GABRG3: variants seen among roughly 807,000 people sequenced by gnomAD.
GABRG3 encodes the protein gamma-aminobutyric acid receptor subunit gamma-3.
In GABRG3, 25 loss-of-function variants were observed where a neutral mutation model predicts 48.8. The ratio of observed to expected loss-of-function variants is 0.51; its 90% CI spans 0.37 to 0.72. The LOEUF (loss-of-function observed/expected upper bound fraction) is 0.72, where lower values mean the gene tolerates loss of function less well. Ranked by LOEUF, GABRG3 falls within the 30% of genes least tolerant of loss-of-function variation. The pLI, the probability that GABRG3 is intolerant of heterozygous loss-of-function variation, is 0.00. For synonymous variants in GABRG3, 227 were observed against 217.6 expected, an observed-to-expected ratio of 1.04 and a Z score of -0.38; for missense variants, 394 against 577.9, an observed-to-expected ratio of 0.68 and a Z score of 3.26.
rs150368441 is a variant in GABRG3, at chr15:27,480,621, A to G, written c.575-29A>G. ...TAATGATTTATAAATGTGTACCTTC[A>G]AGTGCTAATGTTTGCTCTGTGTTTT... On this transcript the variant is annotated intron_variant, in intron 5 of 9. Coordinates refer to ENST00000615808, the MANE Select transcript of GABRG3 (RefSeq NM_033223.5). 512 of 1,556,946 alleles carry G rather than the reference A, an allele frequency of 3.3e-4. 3 individuals are homozygous for G. The East Asian group carries it at 0.01, about 32-fold the overall frequency.
chr15:27,011,356 C>T (rs919485136), intron 2 of GABRG3, among the ~76,000 whole-genome samples: 1 of 152,168 alleles, frequency 6.6e-6, no homozygotes, highest in African/African-American at 2.4e-5. Context: ...CTCACTGTCC[C>T]CTTCCTGGCT....
chr15:27,481,677 G>T (rs1365630312), intron 6 of GABRG3, among the ~76,000 whole-genome samples: 1 of 152,154 alleles, frequency 6.6e-6, no homozygotes, highest in Non-Finnish European at 1.5e-5. Flanking sequence ...TTCTGAAAAA[G>T]TTACCTGATT....
chr15:27,145,627 A>ATCTG (rs1898192761), intron 3 of GABRG3, among the ~76,000 whole-genome samples: 2 of 76,112 alleles, frequency 2.6e-5, no homozygotes, highest in Admixed American at 2.4e-4. Context: ...CTATCTATCT[A>ATCTG]TCTATCTATC....
At position 27,532,231 on chromosome 15, in the gene GABRG3, G is replaced by A. The variant is rs930911239; in HGVS notation, c.1123-369G>A. ...GCTTAACCTTCTTCATTAATAATCC[G>A]GGAAATACAAGATTTGAAACTGCAA... On this transcript the variant is annotated intron_variant, in intron 9 of 9. Coordinates refer to ENST00000615808, the MANE Select transcript of GABRG3 (RefSeq NM_033223.5). Among the ~76,000 whole-genome samples, 8 of 151,928 alleles carry A rather than the reference G, an allele frequency of 5.3e-5. No homozygotes were observed. In the South Asian group the frequency reaches 1.7e-3, roughly 32 times the overall value.
intron 3 of GABRG3, among the ~76,000 whole-genome samples, chr15:27,067,979 C>G (rs1246809439): frequency 2.6e-5 from 4 of 152,064 alleles, no homozygotes; most frequent in Admixed American, 6.5e-5. Context: ...GAAGGCTTAG[C>G]TAGTAAGTAG....
chr15:27,096,514 C>A (rs564027385), intron 3 of GABRG3, among the ~76,000 whole-genome samples: 1 of 152,334 alleles, frequency 6.6e-6, no homozygotes, highest in African/African-American at 2.4e-5. Flanking sequence ...TGTCTTAGGA[C>A]AAGGATCTCT....
chr15:27,071,465 G>A (rs1386014593), intron 3 of GABRG3, among the ~76,000 whole-genome samples: 1 of 152,194 alleles, frequency 6.6e-6, no homozygotes, highest in Admixed American at 6.5e-5. Flanking sequence ...CAGCAAACCT[G>A]AGTGCTCCCA....
chr15:27,471,863 G>C (rs1258215865), intron 5 of GABRG3, among the ~76,000 whole-genome samples: 2 of 152,118 alleles, frequency 1.3e-5, no homozygotes, highest in Non-Finnish European at 2.9e-5. Flanking sequence ...GTTTAGTGTA[G>C]AGTTTTATAA....
chr15:27,258,618 G>A (rs1488514063), intron 3 of GABRG3, among the ~76,000 whole-genome samples: 2 of 152,042 alleles, frequency 1.3e-5, no homozygotes, highest in Admixed American at 1.3e-4. Context: ...ATTTCTAGTT[G>A]ACATGTAATT....
chr15:27,174,748 C>G (rs1262785883), intron 3 of GABRG3, among the ~76,000 whole-genome samples: 2 of 152,168 alleles, frequency 1.3e-5, no homozygotes, highest in African/African-American at 4.8e-5. Flanking sequence ...GAAGCCCCTG[C>G]AAGTTGGCTT....
chr15:27,316,196 A>G (rs897377800), intron 3 of GABRG3, among the ~76,000 whole-genome samples: 41 of 151,904 alleles, frequency 2.7e-4, no homozygotes, highest in African/African-American at 9.2e-4. Flanking sequence ...CATCCCGGCT[A>G]AAAAAACGGT....
chr15:27,089,711 G>A (rs1387456700), intron 3 of GABRG3, among the ~76,000 whole-genome samples: 1 of 152,170 alleles, frequency 6.6e-6, no homozygotes, highest in Non-Finnish European at 1.5e-5. Flanking sequence ...AGGACATCTT[G>A]CCAGGACGGC....
At chr15:27,295,750 T>G (rs1595647993) in intron 3 of GABRG3, among the ~76,000 whole-genome samples, 1 of 152,256 alleles carries the variant, frequency 6.6e-6, no homozygotes, top group East Asian at 1.9e-4. Context: ...AAACTTCAGG[T>G]TGTAACTCTC....
chr15:27,489,065 T>C (rs1890285937), intron 6 of GABRG3, among the ~76,000 whole-genome samples: 1 of 151,532 alleles, frequency 6.6e-6, no homozygotes, highest in Non-Finnish European at 1.5e-5. Context: ...TGTGTGATGT[T>C]CCCCGCCCTG....
chr15:27,200,100 T>C (rs895835272), intron 3 of GABRG3, among the ~76,000 whole-genome samples: 1 of 152,056 alleles, frequency 6.6e-6, no homozygotes, highest in Non-Finnish European at 1.5e-5. Context: ...TGCCTCTGCC[T>C]CTTCCAAACA....
At chr15:27,063,048 C>T (rs529885758) in intron 3 of GABRG3, among the ~76,000 whole-genome samples, 4 of 152,204 alleles carry the variant, frequency 2.6e-5, no homozygotes, top group Admixed American at 6.5e-5. Flanking sequence ...GCAGGTGACG[C>T]GTGATGCGTT....
At chr15:27,308,296 AACATC>A (rs1181628046) in intron 3 of GABRG3, among the ~76,000 whole-genome samples, 1 of 136,032 alleles carries the variant, frequency 7.4e-6, no homozygotes, top group African/African-American at 3.1e-5. Context: ...TTTATATATA[AACATC>A]ATATAAACAT....
rs988210393 is a variant in GABRG3, at chr15:27,246,128, G to A, written c.271-80681G>A. ...ACCCAAACACCTCCCGCCAGGCCTC[G>A]TCTCCAACACTGCGGATCATATTTC... On this transcript the variant is annotated intron_variant, in intron 3 of 9. Transcript: ENST00000615808. Among the ~76,000 whole-genome samples the A allele has an allele frequency of 5.3e-5, 8 of 152,230 alleles. No homozygotes were observed. The South Asian group carries it at 6.2e-4, about 12-fold the overall frequency.
At chr15:27,529,197 T>C (rs1891355553) in intron 9 of GABRG3, among the ~76,000 whole-genome samples, 2 of 152,206 alleles carry the variant, frequency 1.3e-5, no homozygotes, top group Non-Finnish European at 1.5e-5. Context: ...TGTGGATAAA[T>C]TAAGCCCTAT....
Sources: allele counts gnomAD v4.1 joint callset (sites outside exome capture counted in the v4.1 genomes callset), GRCh38; gene constraint gnomAD v4.1.1; transcripts MANE v1.5; gene names NCBI Gene and HGNC (gene_info 2026-07-23, HGNC 2026-07-21).